The following LRRC27 variants were observed in gnomAD, a reference collection of about 807,000 sequenced individuals.
The protein encoded by LRRC27 is leucine rich repeat containing 27.
In LRRC27, 57 loss-of-function variants were observed where a neutral mutation model predicts 55.0. The ratio of observed to expected loss-of-function variants is 1.04; its 90% CI spans 0.84 to 1.29. The LOEUF (loss-of-function observed/expected upper bound fraction) is 1.29, where lower values mean the gene tolerates loss of function less well. Among genes scored for constraint, LRRC27 ranks in the 50% most tolerant of loss-of-function variants. The pLI is 0.00. For missense variants in LRRC27, 721 were observed against 651.5 expected (o/e 1.11, Z -1.16); for synonymous variants, 278 against 251.9 (o/e 1.10, Z -0.98).
At chr10:132,367,124 G>C in intron 10 of LRRC27, 1 of 412,770 alleles carries the variant, frequency 2.4e-6, no homozygotes, top group Non-Finnish European at 3.3e-6. Context: ...TTGGTATTAT[G>C]AACAACTCTA....
chr10:132,363,046 G>A lies in LRRC27; in HGVS notation c.1289+1471G>A, dbSNP rs1183651338. On this transcript the variant is annotated intron_variant, in intron 9 of 10. Transcript: ENST00000368614. ...ACCTCACAGCAGCTCAGGAGTATGG[G>A]GTTCACCCTTCTCACCTCACACCAG... is the stretch of plus-strand genomic sequence containing the variant. 5.2e-5 allele frequency among the ~76,000 whole-genome samples: 6 copies of A among 116,100 alleles called. 1 individual carries two copies. Among genetic ancestry groups the A allele is most frequent in the Admixed American group, 3.3e-4 (4 of 12,084 alleles). The allele number at this position is 116,100 out of a possible 152,430, so 76.2% of individuals were successfully genotyped here. A position where few individuals can be genotyped will look rare whatever the true frequency, so the allele number is the denominator to read the frequency against.
intron 7 of LRRC27, chr10:132,353,368 C>T: frequency 9.3e-7 from 1 of 1,073,770 alleles, no homozygotes; most frequent in Non-Finnish European, 1.1e-6. Flanking sequence ...CTGCTCCCTC[C>T]CCAACATGAA....
At chr10:132,331,700 C>T (rs545846192), upstream of LRRC27, 105 of 1,612,766 alleles carry the variant, frequency 6.5e-5, no homozygotes, top group Non-Finnish European at 8.5e-5. Flanking sequence ...GCCCCGCCCG[C>T]CCCGGGCCCT....
intron 3 of LRRC27, among the ~76,000 whole-genome samples, chr10:132,341,681 G>A (rs2067422352): frequency 6.6e-6 from 1 of 152,126 alleles, no homozygotes; most frequent in South Asian, 2.1e-4. Context: ...TCCAAGCAGG[G>A]CAGGTTATAC....
At chr10:132,330,431 C>G (rs182844657), upstream of LRRC27, 1 of 717,236 alleles carries the variant, frequency 1.4e-6, no homozygotes, top group Non-Finnish European at 2.6e-6. Context: ...TTGCTCTGCC[C>G]GGGTGGCTGG....
rs755723491 is a variant in LRRC27 at position 132,333,630 on chromosome 10, C to T, written c.106C>T (p.His36Tyr). ...GCCTGCCACCCCCTCCAAAGATGTT[C>T]ACAAGGGTGTTGGAGGCATCATCTT... ...SLPATPSKDV[H>Y]KGVGGIIFSS... Residue 36 changes from histidine to tyrosine, a missense_variant, in exon 2 of 11, where the codon CAC (histidine) becomes TAC (tyrosine). By Grantham distance (83) the His-to-Tyr change is moderately conservative. Transcript: ENST00000368614. The T allele has an allele frequency of 1.2e-6, 2 of 1,613,344 alleles. No individual in the cohort carries two copies. Among genetic ancestry groups the T allele is most frequent in the Non-Finnish European group, 1.7e-6 (2 of 1,180,000 alleles).
chr10:132,368,751 T>C (rs1268263311), intron 10 of LRRC27, among the ~76,000 whole-genome samples: 1 of 152,180 alleles, frequency 6.6e-6, no homozygotes, highest in Non-Finnish European at 1.5e-5. Flanking sequence ...GGTGATGATG[T>C]TTAAATACAA....
chr10:132,355,937 G>A (rs1252851652), intron 8 of LRRC27, 51 bp downstream of exon 8: 5 of 1,347,398 alleles, frequency 3.7e-6, no homozygotes, highest in African/African-American at 1.4e-5. Flanking sequence ...CCGGGGGTGG[G>A]TGGGTGCTCA....
Position 132,374,238 on chromosome 10 carries a change from T to C in LRRC27, c.1417-828T>C, listed in dbSNP as rs1189235431. 6.6e-6 allele frequency among the ~76,000 whole-genome samples: 1 copy of C among 151,138 alleles called. No homozygotes were observed. Among genetic ancestry groups the C allele is most frequent in the Non-Finnish European group, 1.5e-5 (1 of 67,770 alleles). ...CAGGGACCTGCTGTGATTATGTCTG[T>C]ATGGGGCGGGGAGGCTGCAGGGGTC... On this transcript the variant is annotated intron_variant, in intron 10 of 10. Transcript: ENST00000368614. This position sits in a 1 kb window ranked among gnomAD's most constrained non-coding sequence, Gnocchi z 4.4.
intron 5 of LRRC27, chr10:132,344,877 G>T: frequency 2.4e-6 from 1 of 425,510 alleles, no homozygotes; most frequent in Non-Finnish European, 4.2e-6. Flanking sequence ...GGCTCAAGTG[G>T]ATTTTGGTAG....
chr10:132,336,220 G>C (rs189140035), intron 2 of LRRC27, among the ~76,000 whole-genome samples: 16 of 151,710 alleles, frequency 1.1e-4, no homozygotes, highest in East Asian at 7.7e-4. Context: ...TTGCCCTGGG[G>C]GGGGAAGAAC....
rs1564846264 is a variant in LRRC27 at position 132,358,693 on chromosome 10, GAGGTGGTAGAGCAGTGTGGGGAGGAGCCA to G, written c.1171-2756_1171-2728del. Reference sequence around the variant, plus strand: ...TGGTGGAGCAGTGTGGGGAGGAGCCGAGGTGGTAGAGCAGTGTGGGGAGGAGCCAAGGTGGTGGAGCAGCGTGGGGAGGA... The same window carrying G: ...TGGTGGAGCAGTGTGGGGAGGAGCCGAGGTGGTGGAGCAGCGTGGGGAGGA... On this transcript the variant is annotated intron_variant, in intron 8 of 10. Transcript: ENST00000368614. Among the ~76,000 whole-genome samples, 34 of 77,220 alleles carry G rather than the reference GAGGTGGTAGAGCAGTGTGGGGAGGAGCCA, an allele frequency of 4.4e-4. 1 individual carries two copies. The highest frequency in any genetic ancestry group is 5.8e-4 in the South Asian group (1 of 1,732). 50.7% of individuals were successfully genotyped at this position (77,220 alleles called of 152,430 possible). A position where few individuals can be genotyped will look rare whatever the true frequency, so the allele number is the denominator to read the frequency against.
intron 8 of LRRC27, among the ~76,000 whole-genome samples, chr10:132,356,190 G>A (rs183479160): frequency 9.8e-4 from 149 of 152,376 alleles, no homozygotes; most frequent in African/African-American, 3.4e-3. Context: ...TTTGGCTCCT[G>A]TCTGGGGAAT....
At chr10:132,335,716 C>G (rs1590588066) in intron 2 of LRRC27, among the ~76,000 whole-genome samples, 1 of 151,826 alleles carries the variant, frequency 6.6e-6, no homozygotes, top group East Asian at 1.9e-4. Flanking sequence ...GGTTGTTGGG[C>G]AGGGGCTGTA....
intron 8 of LRRC27, 60 bp downstream of exon 8, chr10:132,355,946 C>A: frequency 1.7e-6 from 2 of 1,192,570 alleles, no homozygotes; most frequent in South Asian, 1.4e-5. Context: ...GGTGGGTGCT[C>A]ACAGGCATCC....
chr10:132,346,795 A>G (rs1590639645), intron 5 of LRRC27, among the ~76,000 whole-genome samples: 1 of 151,396 alleles, frequency 6.6e-6, no homozygotes, highest in East Asian at 1.9e-4. Flanking sequence ...TCAAATATGC[A>G]TGTTTCTAGT....
chr10:132,336,766 T>C, intron 2 of LRRC27: 1 of 773,406 alleles, frequency 1.3e-6, no homozygotes, highest in Non-Finnish European at 2.4e-6. Context: ...GAGATCATTG[T>C]TCCGAACATC....
At chr10:132,368,111 C>G (rs984222042) in intron 10 of LRRC27, among the ~76,000 whole-genome samples, 2 of 151,974 alleles carry the variant, frequency 1.3e-5, no homozygotes, top group African/African-American at 4.8e-5. Context: ...AAATTAGCAC[C>G]AAAACAATGG....
At chr10:132,362,402 T>G (rs2497650) in intron 9 of LRRC27, among the ~76,000 whole-genome samples, 40,866 of 151,892 alleles carry the variant, frequency 0.27, 5,871 homozygotes, top group Middle Eastern at 0.34. Context: ...TAGGGATGGA[T>G]GGAGCAAATG....
Sources: gnomAD v4.1 joint callset for allele counts (sites outside exome capture counted in the v4.1 genomes callset) on GRCh38, gnomAD v4.1.1 for gene constraint, Gnocchi (gnomAD v3.1) non-coding constraint, MANE v1.5 for transcripts, NCBI Gene and HGNC (gene_info 2026-07-23, HGNC 2026-07-21) for gene names.